Variants in GLS observed in about 807,000 individuals in gnomAD.
GLS encodes the protein glutaminase kidney isoform, mitochondrial.
A neutral mutation model predicts 86.7 loss-of-function variants in GLS; 36 were observed. That is an observed-to-expected ratio of 0.42 (90% CI 0.32 to 0.55). GLS has a LOEUF of 0.55. Ranked by LOEUF, GLS falls within the 20% of genes least tolerant of loss-of-function variation. The pLI is 0.17. For missense variants in GLS, 528 were observed against 833.4 expected (o/e 0.63, Z 4.51); for synonymous variants, 317 against 305.9 (o/e 1.04, Z -0.38).
Position 190,880,900 on chromosome 2 carries a change from GCAGCAGCAGCAGCAGCAGCAC to G in GLS, c.-183_-163del, listed in dbSNP as rs1289233287. ...AGCAGCAGCAGCAGCAGCAGCAGCA[GCAGCAGCAGCAGCAGCAGCAC>G]CCGCATCCGCTGCGGGAGTCCGAGC... On this transcript the variant is annotated 5_prime_UTR_variant, in exon 1 of 18. Transcript: ENST00000320717. 16 of 900,342 alleles carry G rather than the reference GCAGCAGCAGCAGCAGCAGCAC, an allele frequency of 1.8e-5. No homozygotes were observed. The East Asian group carries it at 2.2e-4, about 12-fold the overall frequency. 55.8% of individuals were successfully genotyped at this position (900,342 alleles called of 1,614,324 possible). A position where few individuals can be genotyped will look rare whatever the true frequency, so the allele number is the denominator to read the frequency against.
At chr2:190,883,857 T>G (rs1312099578) in intron 1 of GLS, among the ~76,000 whole-genome samples, 1 of 152,216 alleles carries the variant, frequency 6.6e-6, no homozygotes, top group African/African-American at 2.4e-5. Context: ...GTCCTGAGTT[T>G]ATATTTTATT....
At position 190,900,466 on chromosome 2, in the gene GLS, A is replaced by G. The variant is rs1349456858; in HGVS notation, c.606-98A>G. The G allele has an allele frequency of 7.6e-6, 4 of 527,368 alleles. 1 individual carries two copies. The highest frequency in any genetic ancestry group is 7.4e-5 in the South Asian group (2 of 27,056). 32.7% of individuals were successfully genotyped at this position (527,368 alleles called of 1,614,324 possible). ...TTTAGTTGTATAAAATGATAAATTT[A>G]TCTATTATTTAAATAGTGTCCTAAT... On this transcript the variant is annotated intron_variant, in intron 3 of 17. Transcript: ENST00000320717.
intron 14 of GLS, among the ~76,000 whole-genome samples, chr2:190,944,681 T>C (rs1690536797): frequency 6.6e-6 from 1 of 152,190 alleles, no homozygotes; most frequent in Admixed American, 6.5e-5. Flanking sequence ...TTTAGACCAT[T>C]CATTGGTGTT....
intron 7 of GLS, chr2:190,919,987 C>A (rs1415223319): frequency 6.6e-6 from 1 of 151,898 alleles, no homozygotes; most frequent in Non-Finnish European, 1.5e-5. Context: ...CTCTAATCCT[C>A]TTGTAAAGAA....
chr2:190,890,890 A>C (rs2125979044), intron 1 of GLS, among the ~76,000 whole-genome samples: 1 of 152,272 alleles, frequency 6.6e-6, no homozygotes, highest in South Asian at 2.1e-4. Flanking sequence ...ATGCGAAAAA[A>C]AAAATAAGAA....
chr2:190,922,340 T>C lies in GLS; in HGVS notation c.1130+1137T>C, dbSNP rs530879526. Among the ~76,000 whole-genome samples, 118 of 152,276 alleles carry C rather than the reference T, an allele frequency of 7.7e-4. 1 individual carries two copies. Among genetic ancestry groups the C allele is most frequent in the Middle Eastern group, 6.8e-3 (2 of 294 alleles). On this transcript the variant is annotated intron_variant, in intron 9 of 17. Coordinates refer to ENST00000320717, the MANE Select transcript of GLS (RefSeq NM_014905.5). Reference sequence around the variant, plus strand: ...AGCATGTATACTACTATTTTATTCTTATTTTGCACTTCCTGCTTCGCATTT... The same window carrying C: ...AGCATGTATACTACTATTTTATTCTCATTTTGCACTTCCTGCTTCGCATTT...
rs576666111 is a variant in GLS at position 190,898,182 on chromosome 2, G to C, written c.606-2382G>C. On this transcript the variant is annotated intron_variant, in intron 3 of 17. Transcript: ENST00000320717. Reference sequence around the variant, plus strand: ...ATGGTAGCCTTTCATTTGTATGTTTGATTTTCTTAAAAATTTCATATTTAT... The same window carrying C: ...ATGGTAGCCTTTCATTTGTATGTTTCATTTTCTTAAAAATTTCATATTTAT... Among the ~76,000 whole-genome samples, 7 of 152,044 alleles carry C rather than the reference G, an allele frequency of 4.6e-5. 1 individual carries two copies. In the South Asian group the frequency reaches 1.5e-3, roughly 32 times the overall value.
chr2:190,923,172 T>C (rs1003088295), intron 9 of GLS, among the ~76,000 whole-genome samples: 2 of 152,230 alleles, frequency 1.3e-5, no homozygotes. Flanking sequence ...CAAACTGATG[T>C]CAGAGTTATC....
intron 14 of GLS, among the ~76,000 whole-genome samples, chr2:190,948,766 T>TA (rs1383751060): frequency 2.0e-5 from 3 of 152,160 alleles, no homozygotes; most frequent in Non-Finnish European, 2.9e-5. Context: ...ACTTTTGATT[T>TA]AAGAGATTGG....
At chr2:190,894,952 T>G (rs1574566144) in intron 1 of GLS, among the ~76,000 whole-genome samples, 200 bp from the exon 2 acceptor site, 1 of 54,200 alleles carries the variant, frequency 1.8e-5, no homozygotes, top group South Asian at 8.1e-4. Context: ...GTGTTAATGA[T>G]TTTTTTTCTA....
In GLS at chr2:190,881,417, G is replaced by T. The variant is rs1688170862; in HGVS notation, c.333G>T (p.Glu111Asp). ...CCGGCCCCAAGGACGGCCCCGGGGA[G>T]ACGGACGCGTTTGGCAACAGCGAGG... ...AAPGPKDGPGETDAFGNSEGK... is the reference protein window; with the variant it reads ...AAPGPKDGPGDTDAFGNSEGK... Residue 111 changes from glutamate (E) to aspartate (D), a missense_variant, in exon 1 of 18, where the codon GAG becomes GAT. This residue lies in a region of GLS where 224 missense variants were observed against 187.9 expected (regional missense o/e 1.19). Transcript: ENST00000320717. 1 of 1,545,348 alleles carries T rather than the reference G, an allele frequency of 6.5e-7. No homozygotes were observed. Among genetic ancestry groups the T allele is most frequent in the Non-Finnish European group, 8.7e-7 (1 of 1,145,160 alleles).
In GLS at chr2:190,935,211, C is replaced by A; in HGVS notation, c.1650+3574C>A. 1 of 851,720 alleles carries A rather than the reference C, an allele frequency of 1.2e-6. No homozygotes were observed. Among genetic ancestry groups the A allele is most frequent in the Non-Finnish European group, 1.4e-6 (1 of 708,456 alleles). 52.8% of individuals were successfully genotyped at this position (851,720 alleles called of 1,614,324 possible). A position where few individuals can be genotyped will look rare whatever the true frequency, so the allele number is the denominator to read the frequency against. ...ATTTGTGTTGTTTAGCTTTCATTTG[C>A]TTTGTATATTTAATAATGTACCTTT... On this transcript the variant is annotated intron_variant, in intron 14 of 17. Coordinates refer to ENST00000320717, the MANE Select transcript of GLS (RefSeq NM_014905.5). The surrounding 1 kb of genome is among the most constrained non-coding windows in gnomAD (Gnocchi z 4.2).
rs1188012096 is a variant in GLS at position 190,881,479 on chromosome 2, C to G, written c.386+9C>G. 7 of 1,536,420 alleles carry G rather than the reference C, an allele frequency of 4.6e-6. No homozygotes were observed. The highest frequency in any genetic ancestry group is 6.1e-6 in the Non-Finnish European group (7 of 1,140,488). ...GTGGCCTCAGGTGAAAAGTGAGTGTCTCCGCGAGGCGCAGGAGGCCTCGTT... is the reference window on the plus strand; with the variant it reads ...GTGGCCTCAGGTGAAAAGTGAGTGTGTCCGCGAGGCGCAGGAGGCCTCGTT... On this transcript the variant is annotated intron_variant, in intron 1 of 17. Coordinates refer to ENST00000320717, the MANE Select transcript of GLS (RefSeq NM_014905.5).
intron 14 of GLS, among the ~76,000 whole-genome samples, chr2:190,952,587 C>T (rs781524029): frequency 9.2e-5 from 14 of 152,214 alleles, no homozygotes; most frequent in South Asian, 8.3e-4. Context: ...GGGAGAATGT[C>T]CGGGTTAAGA....
At chr2:190,932,464 T>G (rs962825821) in intron 14 of GLS, among the ~76,000 whole-genome samples, 34 of 151,944 alleles carry the variant, frequency 2.2e-4, no homozygotes, top group Admixed American at 6.6e-5. Context: ...TAAGTACATT[T>G]TCTGTAGTGC....
intron 14 of GLS, among the ~76,000 whole-genome samples, chr2:190,942,989 A>C (rs1430431707): frequency 6.6e-6 from 1 of 152,194 alleles, no homozygotes; most frequent in Non-Finnish European, 1.5e-5. Flanking sequence ...GGAGAAAAAG[A>C]AAAGAGTGAT....
chr2:190,886,676 G>A lies in GLS; in HGVS notation c.386+5206G>A, dbSNP rs577828234. ...CATGCCCGTAATCCCAGCACTTTGGGAGGCCAAAGCAGGTGGATCAGTTGA... is the reference window on the plus strand; with the variant it reads ...CATGCCCGTAATCCCAGCACTTTGGAAGGCCAAAGCAGGTGGATCAGTTGA... On this transcript the variant is annotated intron_variant, in intron 1 of 17. Coordinates refer to ENST00000320717, the MANE Select transcript of GLS (RefSeq NM_014905.5). 1.9e-3 allele frequency among the ~76,000 whole-genome samples: 295 copies of A among 152,304 alleles called. 1 individual carries two copies. The highest frequency in any genetic ancestry group is 3.6e-3 in the Non-Finnish European group (246 of 68,028).
chr2:190,912,718 C>G (rs1328274701), intron 7 of GLS, among the ~76,000 whole-genome samples: 2 of 152,146 alleles, frequency 1.3e-5, no homozygotes, highest in Non-Finnish European at 2.9e-5. Context: ...ACAATTCACT[C>G]TGCCATATTT....
At chr2:190,958,797 T>C (rs980954982) in intron 17 of GLS, among the ~76,000 whole-genome samples, 1 of 152,202 alleles carries the variant, frequency 6.6e-6, no homozygotes. Context: ...TTATGATTTT[T>C]GTTCTTTTGC....
Sources: allele counts gnomAD v4.1 joint callset (sites outside exome capture counted in the v4.1 genomes callset), GRCh38; gene constraint gnomAD v4.1.1; regional missense constraint gnomAD v4.1.1; non-coding constraint Gnocchi (gnomAD v3.1); transcripts MANE v1.5; gene names NCBI Gene and HGNC (gene_info 2026-07-23, HGNC 2026-07-21).